The following FZR1 variants were observed in gnomAD, a reference collection of about 807,000 sequenced individuals.
FZR1 encodes fizzy-related protein homolog.
A neutral mutation model predicts 63.6 loss-of-function variants in FZR1; 11 were observed. The observed-to-expected ratio is 0.17, with a 90% CI of 0.11 to 0.29. The LOEUF (loss-of-function observed/expected upper bound fraction) is 0.29, where lower values mean the gene tolerates loss of function less well. FZR1 is among the 10% of genes least tolerant of loss of function. The probability of loss-of-function intolerance (pLI) is 1.00; values close to 1 mark genes in which losing one functional copy is unlikely to be tolerated. For missense variants in FZR1, 440 were observed against 687.5 expected, an observed-to-expected ratio of 0.64 and a Z score of 4.03; for synonymous variants, 328 against 297.9, an observed-to-expected ratio of 1.10 and a Z score of -1.04.
Position 3,526,085 on chromosome 19 carries a change from C to G in FZR1, c.196-35C>G. On this transcript the variant is annotated intron_variant, in intron 3 of 13. Coordinates refer to ENST00000441788, the MANE Select transcript of FZR1 (RefSeq NM_016263.4). The surrounding 1 kb of genome is among the most constrained non-coding windows in gnomAD (Gnocchi z 5.4). ...CTCTAGGGCCGGGAACAAGCGGGCT[C>G]CTCGACCCCTCCCTCTCTGCTCTCC... The G allele has an allele frequency of 6.2e-7, 1 of 1,612,166 alleles. No homozygotes were observed.
intron 7 of FZR1, among the ~76,000 whole-genome samples, chr19:3,530,495 G>C (rs2083235297): frequency 1.4e-5 from 2 of 146,224 alleles, no homozygotes; most frequent in African/African-American, 5.1e-5. Context: ...TGGGTGAGCG[G>C]ATGCAAGAGT....
At chr19:3,517,797 A>C (rs2121919858) in intron 1 of FZR1, among the ~76,000 whole-genome samples, 1 of 152,268 alleles carries the variant, frequency 6.6e-6, no homozygotes, top group Non-Finnish European at 1.5e-5. Context: ...TCTCTGTGTG[A>C]AACAAGATAA....
intron 11 of FZR1, 51 bp downstream of exon 11, chr19:3,532,701 C>A: frequency 7.8e-7 from 1 of 1,288,072 alleles, no homozygotes; most frequent in Non-Finnish European, 1.1e-6. Flanking sequence ...GTGCGTCCTG[C>A]TGGCCCCTTA....
In FZR1 at chr19:3,532,450, G is replaced by C. The variant is rs762426128; in HGVS notation, c.1042G>C (p.Val348Leu). The C allele has an allele frequency of 5.0e-6, 8 of 1,597,134 alleles. No homozygotes were observed. Among genetic ancestry groups the C allele is most frequent in the Non-Finnish European group, 6.8e-6 (8 of 1,170,044 alleles). The part of the protein sequence containing the change: ...LVWNHSSLSP[V>L]QQYTEHLAAV... ...CTGGAATCACTCGAGCCTGAGCCCC[G>C]TGCAGCAGTACACGGAGCACCTGGC... The change falls in exon 11 of 14, where the codon GTG becomes CTG. Residue 348 changes from valine (V) to leucine (L), a missense_variant. By Grantham distance (32) the Val-to-Leu change is conservative (BLOSUM62 1). Coordinates refer to ENST00000441788, the MANE Select transcript of FZR1 (RefSeq NM_016263.4).
intron 2 of FZR1, among the ~76,000 whole-genome samples, chr19:3,524,101 A>G (rs1210829584): frequency 6.6e-6 from 1 of 152,212 alleles, no homozygotes; most frequent in East Asian, 1.9e-4. Context: ...AGAGAGAGAG[A>G]GGCATAAATA....
chr19:3,524,699 C>T (rs2083135443), intron 2 of FZR1, among the ~76,000 whole-genome samples: 1 of 152,120 alleles, frequency 6.6e-6, no homozygotes, highest in South Asian at 2.1e-4. Flanking sequence ...GGCCACGCTT[C>T]CTCTCGAGGC....
rs577182753 is a variant in FZR1, at chr19:3,531,551, AG to A, written c.721-157del. ...GTGCCCGCCACCCCAGCATGCACTG[AG>A]GGGGGTTTATGCTTCTTCCGAAGGG... On this transcript the variant is annotated intron_variant, in intron 8 of 13. Transcript: ENST00000441788. 2.0e-3 allele frequency among the ~76,000 whole-genome samples: 303 copies of A among 152,244 alleles called. 4 individuals are homozygous for A. The highest frequency in any genetic ancestry group is 6.4e-3 in the African/African-American group (265 of 41,548).
intron 7 of FZR1, among the ~76,000 whole-genome samples, chr19:3,529,585 T>TGG (rs2083209661): frequency 9.6e-6 from 1 of 103,982 alleles, no homozygotes; most frequent in South Asian, 3.4e-4. Context: ...GATGGGTGAG[T>TGG]GGATGAGAGT....
In FZR1 at chr19:3,532,515, G is replaced by A. The variant is rs769484183; in HGVS notation, c.1107G>A (p.Gly369=). 6.2e-7 allele frequency: 1 copy of A among 1,611,500 alleles called. No homozygotes were observed. Among genetic ancestry groups the A allele is most frequent in the Middle Eastern group, 1.7e-4 (1 of 6,052 alleles). ...TCGCCTGGTCCCCACATCAGCACGG[G>A]CTGCTGGCCTCGGGGGGCGGCACAG... ...KAIAWSPHQH[G]LLASGGGTAD... is the part of the protein sequence containing the mutation. The change falls in exon 11 of 14, where the codon GGG becomes GGA. Residue 369 remains glycine (G), a synonymous_variant. Transcript: ENST00000441788.
chr19:3,511,462 G>A (rs918332423), intron 1 of FZR1, among the ~76,000 whole-genome samples: 5 of 152,204 alleles, frequency 3.3e-5, no homozygotes, highest in African/African-American at 4.8e-5. Flanking sequence ...CAGCACTTTG[G>A]GAGGCCTCAG....
intron 1 of FZR1, among the ~76,000 whole-genome samples, chr19:3,508,924 C>T (rs959585373): frequency 2.0e-5 from 3 of 152,184 alleles, no homozygotes; most frequent in South Asian, 2.1e-4. Context: ...GTCCCCGCTC[C>T]GCCTCCGGCC....
intron 2 of FZR1, among the ~76,000 whole-genome samples, chr19:3,523,297 G>A (rs1014465292): frequency 1.3e-5 from 2 of 152,252 alleles, no homozygotes; most frequent in Non-Finnish European, 2.9e-5. Flanking sequence ...CCAGAGTGGT[G>A]GAGCTGGGGC....
At chr19:3,530,950 G>A in intron 8 of FZR1, 93 bp downstream of exon 8, 1 of 852,990 alleles carries the variant, frequency 1.2e-6, no homozygotes, top group South Asian at 1.5e-5. Context: ...CTAGTGCGTG[G>A]CCTGAGGTCG....
At chr19:3,523,829 C>T (rs2083126248) in intron 2 of FZR1, among the ~76,000 whole-genome samples, 1 of 152,222 alleles carries the variant, frequency 6.6e-6, no homozygotes, top group African/African-American at 2.4e-5. Flanking sequence ...CCTCTGTGCC[C>T]AGGCATTGGG....
intron 13 of FZR1, 106 bp from the exon 14 acceptor site, chr19:3,534,689 A>C (rs1599796289): frequency 9.4e-7 from 1 of 1,068,610 alleles, no homozygotes; most frequent in East Asian, 2.4e-5. Flanking sequence ...CTGAACTGGC[A>C]CCTCCCAGCC....
At chr19:3,522,751 T>C (rs962077540) in intron 1 of FZR1, among the ~76,000 whole-genome samples, 1 of 152,088 alleles carries the variant, frequency 6.6e-6, no homozygotes. Flanking sequence ...ATATACAGGC[T>C]GGGAGGGTCT....
Position 3,531,792 on chromosome 19 carries a change from T to A in FZR1, c.799T>A (p.Leu267Met), listed in dbSNP as rs1005802358. ...AGCCGCAGGGAAGAAGCTGTCCATG[T>A]TGGAGGGCCACACGGCACGCGTCGG... ...DAAAGKKLSM[L>M]EGHTARVGAL... Residue 267 changes from leucine (L) to methionine (M), a missense_variant, in exon 9 of 14, where the codon TTG becomes ATG. Physicochemically the swap from Leu to Met is conservative, Grantham distance 15. Coordinates refer to ENST00000441788, the MANE Select transcript of FZR1 (RefSeq NM_016263.4). The A allele has an allele frequency of 1.3e-6, 2 of 1,550,340 alleles. No individual in the cohort carries two copies. The highest frequency in any genetic ancestry group is 8.7e-7 in the Non-Finnish European group (1 of 1,146,804).
At position 3,526,900 on chromosome 19, in the gene FZR1, C is replaced by A; in HGVS notation, c.388-80C>A. The A allele has an allele frequency of 1.0e-6, 1 of 964,058 alleles. No individual in the cohort carries two copies. Among genetic ancestry groups the A allele is most frequent in the Non-Finnish European group, 1.7e-6 (1 of 604,246 alleles). The allele number at this position is 964,058 out of a possible 1,614,324, so 59.7% of individuals were successfully genotyped here. A position where few individuals can be genotyped will look rare whatever the true frequency, so the allele number is the denominator to read the frequency against. Reference sequence around the variant, plus strand: ...CCTGCCTTAGGGCTATGAGCTGTACCGGGAGCGTGGGCTGCTGGGGGGCTC... The same window carrying A: ...CCTGCCTTAGGGCTATGAGCTGTACAGGGAGCGTGGGCTGCTGGGGGGCTC... On this transcript the variant is annotated intron_variant, in intron 5 of 13. Transcript: ENST00000441788. This position sits in a 1 kb window ranked among gnomAD's most constrained non-coding sequence, Gnocchi z 5.4.
intron 2 of FZR1, among the ~76,000 whole-genome samples, chr19:3,523,398 G>C (rs2083121745): frequency 6.6e-6 from 1 of 152,198 alleles, no homozygotes; most frequent in African/African-American, 2.4e-5. Flanking sequence ...GGAACCCTGT[G>C]GGATTTGGGG....
Sources: gnomAD v4.1 joint callset for allele counts (sites outside exome capture counted in the v4.1 genomes callset) on GRCh38, gnomAD v4.1.1 for gene constraint, Gnocchi (gnomAD v3.1) non-coding constraint, MANE v1.5 for transcripts, NCBI Gene and HGNC (gene_info 2026-07-23, HGNC 2026-07-21) for gene names.